MYO16: variants seen among roughly 807,000 people sequenced by gnomAD.
MYO16 encodes unconventional myosin-XVI.
In MYO16, 94 loss-of-function variants were observed where a neutral mutation model predicts 205.3. The observed-to-expected ratio is 0.46, with a 90% confidence interval of 0.39 to 0.54. The LOEUF (loss-of-function observed/expected upper bound fraction) is 0.54. Among genes scored for constraint, MYO16 ranks in the 20% least tolerant of loss-of-function variants. MYO16 has a pLI of 0.00. For missense variants in MYO16, 2,315 were observed against 2,387.5 expected, an observed-to-expected ratio of 0.97 and a Z score of 0.63; for synonymous variants, 988 against 954.0, an observed-to-expected ratio of 1.04 and a Z score of -0.66.
intron 18 of MYO16, 35 bp from the exon 19 acceptor site, chr13:108,962,389 C>T: frequency 6.5e-6 from 10 of 1,548,044 alleles, no homozygotes; most frequent in Non-Finnish European, 8.9e-6. Flanking sequence ...AAAAAATATA[C>T]TAACTTTATG....
chr13:108,944,186 G>A (rs928008759), intron 16 of MYO16, among the ~76,000 whole-genome samples: 1 of 152,048 alleles, frequency 6.6e-6, no homozygotes, highest in African/African-American at 2.4e-5. Context: ...CTTGTTGTAA[G>A]AACATTCTTC....
chr13:109,122,889 A>G (rs542215917), intron 29 of MYO16, among the ~76,000 whole-genome samples: 1 of 152,316 alleles, frequency 6.6e-6, no homozygotes, highest in South Asian at 2.1e-4. Flanking sequence ...CTCAAAATTT[A>G]TATAATCTGG....
At chr13:108,804,656 T>G (rs1014969908) in intron 6 of MYO16, among the ~76,000 whole-genome samples, 14 of 152,300 alleles carry the variant, frequency 9.2e-5, no homozygotes, top group African/African-American at 3.4e-4. Context: ...ACTCCTGCTA[T>G]TGTATTATGA....
intron 2 of MYO16, among the ~76,000 whole-genome samples, chr13:108,681,348 G>T (rs16972918): frequency 0.099 from 15,134 of 152,172 alleles, 929 homozygotes; most frequent in East Asian, 0.23. Flanking sequence ...CATGTGACTC[G>T]GTGCCTAAAG....
intron 12 of MYO16, among the ~76,000 whole-genome samples, chr13:108,876,428 T>C (rs960600423): frequency 6.6e-6 from 1 of 152,172 alleles, no homozygotes; most frequent in Non-Finnish European, 1.5e-5. Context: ...TAACAGTATG[T>C]TTTAATTATA....
intron 6 of MYO16, among the ~76,000 whole-genome samples, chr13:108,798,699 T>TTTTTA (rs1566336227): frequency 9.4e-6 from 1 of 106,764 alleles, no homozygotes; most frequent in African/African-American, 3.6e-5. Context: ...TTTTTTTTTT[T>TTTTTA]TTTTTTTTTT....
At chr13:108,572,220 T>C in the MYO16 span, among the ~76,000 whole-genome samples, 4,984 of 152,190 alleles carry the variant, frequency 0.033, 248 homozygotes, top group African/African-American at 0.11. Flanking sequence ...AGCCATCACA[T>C]CTGGCCCCCT....
chr13:109,189,362 A>G (rs1019032287), intron 34 of MYO16, among the ~76,000 whole-genome samples: 3 of 152,174 alleles, frequency 2.0e-5, no homozygotes, highest in Non-Finnish European at 4.4e-5. Flanking sequence ...TTGACACTCA[A>G]TATTCACCAT....
At chr13:108,714,345 G>A (rs7991749) in intron 3 of MYO16, among the ~76,000 whole-genome samples, 85,980 of 152,062 alleles carry the variant, frequency 0.57, 24,701 homozygotes, top group East Asian at 0.73. Flanking sequence ...GTGAGCCACC[G>A]TGCCCGCCCA....
intron 12 of MYO16, among the ~76,000 whole-genome samples, chr13:108,876,387 G>C (rs1021923603): frequency 1.3e-5 from 2 of 151,856 alleles, no homozygotes; most frequent in Non-Finnish European, 2.9e-5. Flanking sequence ...TAATTTAACT[G>C]TAACATTTAT....
intron 34 of MYO16, among the ~76,000 whole-genome samples, chr13:109,181,826 A>ATT (rs950434173): frequency 1.6e-4 from 23 of 144,716 alleles, no homozygotes; most frequent in African/African-American, 5.6e-4. Flanking sequence ...ATTTTATTTT[A>ATT]TTTTTTTTTT....
intron 1 of MYO16, among the ~76,000 whole-genome samples, chr13:108,639,258 C>A (rs755492133): frequency 6.6e-6 from 1 of 151,988 alleles, no homozygotes; most frequent in East Asian, 1.9e-4. Flanking sequence ...GAAGGGGAGG[C>A]GTGGTCTGAC....
At chr13:108,767,498 G>A (rs1453460012) in intron 4 of MYO16, among the ~76,000 whole-genome samples, 2 of 152,096 alleles carry the variant, frequency 1.3e-5, no homozygotes, top group East Asian at 1.9e-4. Flanking sequence ...GTTATAGAGG[G>A]CATTTTGTTA....
chr13:108,744,462 G>C (rs1362944819), intron 4 of MYO16, among the ~76,000 whole-genome samples: 1 of 152,082 alleles, frequency 6.6e-6, no homozygotes, highest in East Asian at 1.9e-4. Context: ...AATCAAACTT[G>C]TTTCTTTAGT....
intron 16 of MYO16, among the ~76,000 whole-genome samples, chr13:108,951,314 GA>G (rs1161685399): frequency 6.6e-6 from 1 of 152,086 alleles, no homozygotes; most frequent in Admixed American, 6.5e-5. Context: ...TAGGGAGACA[GA>G]AAAAATGCCA....
chr13:109,179,130 TC>T (rs1215787912), intron 33 of MYO16, among the ~76,000 whole-genome samples: 1 of 152,170 alleles, frequency 6.6e-6, no homozygotes, highest in Admixed American at 6.5e-5. Context: ...AATCCCTTCC[TC>T]GTCTCCCTGC....
intron 12 of MYO16, among the ~76,000 whole-genome samples, chr13:108,870,017 T>C (rs1878969599): frequency 6.6e-6 from 1 of 151,508 alleles, no homozygotes; most frequent in African/African-American, 2.4e-5. Context: ...AGGAGAAATC[T>C]TTAGTAATTA....
chr13:108,761,174 A>C (rs1885596452), intron 4 of MYO16, among the ~76,000 whole-genome samples: 1 of 152,094 alleles, frequency 6.6e-6, no homozygotes, highest in Non-Finnish European at 1.5e-5. Context: ...TTTTATAGTG[A>C]CCTTTACAGA....
intron 23 of MYO16, among the ~76,000 whole-genome samples, chr13:109,031,400 C>G (rs1457889697): frequency 6.6e-6 from 1 of 152,144 alleles, no homozygotes; most frequent in East Asian, 1.9e-4. Flanking sequence ...TTAACTGCCT[C>G]AAATTCATTT....
Sources: gnomAD v4.1 joint callset for allele counts (sites outside exome capture counted in the v4.1 genomes callset) on GRCh38, gnomAD v4.1.1 for gene constraint, MANE v1.5 for transcripts, NCBI Gene and HGNC (gene_info 2026-07-23, HGNC 2026-07-21) for gene names.